ANKFY1: variants seen among roughly 807,000 people sequenced by gnomAD.
ANKFY1 encodes the protein ankyrin repeat and FYVE domain containing 1.
Under a neutral mutation model 128.3 loss-of-function variants are expected in ANKFY1, and 47 were observed. The ratio of observed to expected loss-of-function variants is 0.37; its 90% CI spans 0.29 to 0.47. ANKFY1 has a LOEUF of 0.47. ANKFY1 is among the 20% of genes least tolerant of loss of function. The pLI, the probability that ANKFY1 is intolerant of heterozygous loss-of-function variation, is 1.00. For synonymous variants in ANKFY1, 553 were observed against 601.6 expected (o/e 0.92, Z 1.18); for missense variants, 1,222 against 1,510.6 (o/e 0.81, Z 3.17).
Position 4,173,370 on chromosome 17 carries a change from C to G in ANKFY1, c.2998G>C (p.Glu1000Gln). Residue 1000 changes from glutamate (E) to glutamine (Q), a missense_variant, in exon 21 of 25, where the codon GAA becomes CAA. Glu to Gln is a conservative substitution (Grantham distance 29). Transcript: ENST00000341657. ...CGCGCTCACCTGAGATTAAAGGCTT[C>G]GGCGTCCACTGTGCACTCTGTCAGG... ...VLLTECTVDAEAFNLRGQSPL... is the reference protein window; with the variant it reads ...VLLTECTVDAQAFNLRGQSPL... 6.2e-7 allele frequency: 1 copy of G among 1,614,144 alleles called. No individual in the cohort carries two copies. Among genetic ancestry groups the G allele is most frequent in the South Asian group, 1.1e-5 (1 of 91,080 alleles).
chr17:4,216,784 A>G (rs2060226925), intron 4 of ANKFY1, 199 bp downstream of exon 4: 1 of 660,744 alleles, frequency 1.5e-6, no homozygotes, highest in Non-Finnish European at 2.7e-6. Context: ...AAGAAAAGAG[A>G]ATAGCAAAAG....
intron 2 of ANKFY1, among the ~76,000 whole-genome samples, chr17:4,239,362 A>G (rs1012125830): frequency 2.0e-5 from 3 of 152,050 alleles, no homozygotes; most frequent in Non-Finnish European, 2.9e-5. Flanking sequence ...GAAGAAGAGG[A>G]AAAAAAAGAC....
intron 7 of ANKFY1, among the ~76,000 whole-genome samples, chr17:4,199,336 G>A (rs188255455): frequency 7.8e-4 from 119 of 152,236 alleles, no homozygotes; most frequent in Non-Finnish European, 1.4e-3. Context: ...CTACAGGCAC[G>A]CATGCCACCA....
intron 3 of ANKFY1, among the ~76,000 whole-genome samples, chr17:4,220,454 C>T (rs897988313): frequency 2.0e-5 from 3 of 152,168 alleles, no homozygotes; most frequent in Admixed American, 6.5e-5. Flanking sequence ...GCACCAACAC[C>T]CTCAAACACC....
intron 20 of ANKFY1, 147 bp downstream of exon 20, chr17:4,173,762 G>T: frequency 8.9e-7 from 1 of 1,128,442 alleles, no homozygotes; most frequent in Non-Finnish European, 1.3e-6. Context: ...GTCGCAGGTT[G>T]GATGCTCTAC....
Position 4,179,856 on chromosome 17 carries a change from G to A in ANKFY1, c.2262C>T (p.Pro754=), listed in dbSNP as rs1441287313. Residue 754 remains proline (P), a synonymous_variant, in exon 17 of 25, where the codon CCC becomes CCT. Coordinates refer to ENST00000341657, the MANE Select transcript of ANKFY1 (RefSeq NM_001330063.2). ...LIRSGCDVNS[P]RQPGANGEGE... ...CTTCTCCATTGGCGCCTGGTTGTCTGGGACTGTTCACGTCACAGCCACTGA... is the reference window on the plus strand; with the variant it reads ...CTTCTCCATTGGCGCCTGGTTGTCTAGGACTGTTCACGTCACAGCCACTGA... 2 of 1,614,176 alleles carry A rather than the reference G, an allele frequency of 1.2e-6. No individual in the cohort carries two copies. Among genetic ancestry groups the A allele is most frequent in the Admixed American group, 1.7e-5 (1 of 60,024 alleles).
rs1056405186 is a variant in ANKFY1, at chr17:4,205,558, C to T, written c.898+763G>A. On this transcript the variant is annotated intron_variant, in intron 7 of 24. Transcript: ENST00000341657. Reference sequence around the variant, plus strand: ...GAGATCGAGACCATCCTGGCTAACACGGTGACACCCCGTCTCTACTAAAAA... The same window carrying T: ...GAGATCGAGACCATCCTGGCTAACATGGTGACACCCCGTCTCTACTAAAAA... 9.9e-5 allele frequency among the ~76,000 whole-genome samples: 15 copies of T among 152,138 alleles called. No homozygotes were observed. The East Asian group carries it at 1.4e-3, about 14-fold the overall frequency.
chr17:4,207,683 G>GT (rs2060050297), intron 6 of ANKFY1, among the ~76,000 whole-genome samples: 1 of 146,680 alleles, frequency 6.8e-6, no homozygotes, highest in South Asian at 2.1e-4. Context: ...GTTAAGAAGC[G>GT]TTTAAAAAAA....
chr17:4,212,779 T>TC (rs1337618469), intron 4 of ANKFY1, among the ~76,000 whole-genome samples: 1 of 151,212 alleles, frequency 6.6e-6, no homozygotes, highest in East Asian at 1.9e-4. Flanking sequence ...ACTTTTTTTT[T>TC]TTTTTTTTTT....
At chr17:4,234,090 TACATGCTGTACAGTTACACAGA>T (rs1428514263) in intron 3 of ANKFY1, among the ~76,000 whole-genome samples, 3 of 150,032 alleles carry the variant, frequency 2.0e-5, no homozygotes, top group African/African-American at 7.6e-5. Flanking sequence ...TAACATGCTG[TACATGCTGTACAGTTACACAGA>T]ACATGCTGTA....
At chr17:4,233,404 C>T (rs1274024419) in intron 3 of ANKFY1, among the ~76,000 whole-genome samples, 1 of 151,702 alleles carries the variant, frequency 6.6e-6, no homozygotes, top group Non-Finnish European at 1.5e-5. Context: ...ATTTCGATCA[C>T]GTGGACTGGT....
At chr17:4,193,477 G>A (rs1395882221) in intron 10 of ANKFY1, among the ~76,000 whole-genome samples, 2 of 139,918 alleles carry the variant, frequency 1.4e-5, no homozygotes, top group African/African-American at 2.8e-5. Context: ...TGCCCAGGCT[G>A]GAGTGCAATG....
At chr17:4,202,420 C>T (rs2059945511) in intron 7 of ANKFY1, among the ~76,000 whole-genome samples, 1 of 146,864 alleles carries the variant, frequency 6.8e-6, no homozygotes, top group East Asian at 2.0e-4. Flanking sequence ...AAAAAGAGGC[C>T]GGGCGCAGTG....
At chr17:4,202,400 TAAAA>T (rs534585731) in intron 7 of ANKFY1, among the ~76,000 whole-genome samples, 1 of 74,470 alleles carries the variant, frequency 1.3e-5, no homozygotes, top group Non-Finnish European at 2.6e-5. Flanking sequence ...GACTGTGTCT[TAAAA>T]AAAAAAAAAA....
In ANKFY1 at chr17:4,183,889, T is replaced by C. The variant is rs1567919220; in HGVS notation, c.1721A>G (p.Asn574Ser). Residue 574 changes from asparagine to serine, a missense_variant, in exon 13 of 25, where the codon AAC (asparagine) becomes AGC (serine). By Grantham distance (46) the Asn-to-Ser change is conservative (BLOSUM62 1). Transcript: ENST00000341657. ...GAAGTCCGGAATGATCTGCAAGTTG[T>C]TGGTGGCATGAAGAGCATTGGCTAA... Reference protein sequence around the residue: ...EQKANALHATNNLQIIPDFSL... With the variant: ...EQKANALHATSNLQIIPDFSL... The C allele has an allele frequency of 1.9e-6, 3 of 1,613,720 alleles. No homozygotes were observed. Among genetic ancestry groups the C allele is most frequent in the Admixed American group, 3.3e-5 (2 of 60,026 alleles).
At chr17:4,208,124 G>A (rs906332863) in intron 5 of ANKFY1, 42 bp from the exon 6 acceptor site, 1 of 1,547,914 alleles carries the variant, frequency 6.5e-7, no homozygotes, top group South Asian at 1.2e-5. Flanking sequence ...CAGACACAAG[G>A]CAATGAATCC....
chr17:4,179,602 G>A (rs986052279), intron 17 of ANKFY1, 119 bp downstream of exon 17: 6 of 1,305,570 alleles, frequency 4.6e-6, no homozygotes, highest in South Asian at 1.4e-5. Flanking sequence ...TAGGGAGGTC[G>A]TGTGTTCATG....
At chr17:4,258,148 C>T (rs1260696363) in intron 1 of ANKFY1, among the ~76,000 whole-genome samples, 1 of 152,224 alleles carries the variant, frequency 6.6e-6, no homozygotes, top group Non-Finnish European at 1.5e-5. Context: ...ATAAAAGGAA[C>T]AGTCCTTAAG....
rs1384629030 is a variant in ANKFY1, at chr17:4,189,474, A to G, written c.1378T>C (p.Cys460Arg). The G allele has an allele frequency of 3.2e-6, 5 of 1,579,124 alleles. No homozygotes were observed. The highest frequency in any genetic ancestry group is 2.7e-5 in the African/African-American group (2 of 74,220). ...TDAPDTATGN[C>R]LLQRAAGAGN... ...GCTCCAGCTGCCCGCTGTAGTAAAC[A>G]GTTTCCTAAAAGAAAATGGGCATTG... The change falls in exon 11 of 25, where the codon TGT (cysteine) becomes CGT (arginine). Residue 460 changes from cysteine (C) to arginine (R), a missense_variant. Physicochemically the swap from Cys to Arg is radical, Grantham distance 180. Transcript: ENST00000341657.
Sources: gnomAD v4.1 joint callset for allele counts (sites outside exome capture counted in the v4.1 genomes callset) on GRCh38, gnomAD v4.1.1 for gene constraint, MANE v1.5 for transcripts, NCBI Gene and HGNC (gene_info 2026-07-23, HGNC 2026-07-21) for gene names.